ATF7IP: variants seen among roughly 807,000 people sequenced by gnomAD.
ATF7IP encodes the protein activating transcription factor 7-interacting protein 1.
ATF7IP carries 23 observed loss-of-function variants against 106.4 expected under a neutral mutation model. The observed-to-expected ratio is 0.22, with a 90% CI of 0.16 to 0.31. The LOEUF (loss-of-function observed/expected upper bound fraction) is 0.31, where lower values mean the gene tolerates loss of function less well. ATF7IP is among the 10% of genes least tolerant of loss of function. The probability of loss-of-function intolerance (pLI) is 1.00; values close to 1 mark genes in which losing one functional copy is unlikely to be tolerated. For synonymous variants in ATF7IP, 542 were observed against 539.0 expected (o/e 1.01, Z -0.08); for missense variants, 1,334 against 1,524.3 (o/e 0.88, Z 2.08).
chr12:14,396,863 A>G (rs566330167), intron 1 of ATF7IP, among the ~76,000 whole-genome samples: 1 of 152,294 alleles, frequency 6.6e-6, no homozygotes, highest in South Asian at 2.1e-4. Flanking sequence ...AACAAAGATA[A>G]AAGTCATGAG....
intron 1 of ATF7IP, among the ~76,000 whole-genome samples, chr12:14,410,237 T>C (rs1228941532): frequency 6.6e-6 from 1 of 152,150 alleles, no homozygotes; most frequent in Non-Finnish European, 1.5e-5. Flanking sequence ...CCGTGGGTAA[T>C]ATTAAGTGGA....
At chr12:14,486,140 G>A (rs1276806928) in intron 13 of ATF7IP, among the ~76,000 whole-genome samples, 2 of 152,048 alleles carry the variant, frequency 1.3e-5, no homozygotes, top group Non-Finnish European at 2.9e-5. Context: ...TTGGCACTGG[G>A]GAAATGACCA....
In ATF7IP at chr12:14,420,851, TTTTC is replaced by T. The variant is rs375754193; in HGVS notation, c.-7-3048_-7-3045del. 5.1e-3 allele frequency among the ~76,000 whole-genome samples: 778 copies of T among 152,314 alleles called. 3 individuals carry two copies. Among genetic ancestry groups the T allele is most frequent in the East Asian group, 0.015 (77 of 5,184 alleles). On this transcript the variant is annotated intron_variant, in intron 1 of 14. Coordinates refer to ENST00000261168, the MANE Select transcript of ATF7IP (RefSeq NM_018179.5). ...TAAGTTTCCAGGCATCAGGGGCTGC[TTTTC>T]TTTCTTTCTCAGGCCAAAGCAAATG...
intron 6 of ATF7IP, among the ~76,000 whole-genome samples, chr12:14,452,621 G>T (rs982285635): frequency 1.2e-4 from 19 of 152,162 alleles, no homozygotes; most frequent in Middle Eastern, 3.4e-3. Flanking sequence ...GTCTATATCT[G>T]CCTCACTATG....
At chr12:14,455,176 C>CT (rs1308379066) in intron 6 of ATF7IP, among the ~76,000 whole-genome samples, 5 of 140,544 alleles carry the variant, frequency 3.6e-5, no homozygotes, top group African/African-American at 1.1e-4. Context: ...CAGTGAGACT[C>CT]TATCTCAAAA....
At chr12:14,382,950 T>C (rs1212864886) in intron 1 of ATF7IP, among the ~76,000 whole-genome samples, 2 of 152,160 alleles carry the variant, frequency 1.3e-5, no homozygotes, top group Non-Finnish European at 2.9e-5. Flanking sequence ...ATGTAGAGGA[T>C]ATATCAAGTA....
At chr12:14,404,238 T>C (rs1415508907) in intron 1 of ATF7IP, among the ~76,000 whole-genome samples, 6 of 151,228 alleles carry the variant, frequency 4.0e-5, no homozygotes, top group Non-Finnish European at 8.8e-5. Context: ...TGTAGAAAAA[T>C]ATCCATATAT....
Position 14,425,034 on chromosome 12 carries a change from A to G in ATF7IP, c.1119A>G (p.Glu373=). The G allele has an allele frequency of 6.2e-7, 1 of 1,610,618 alleles. No homozygotes were observed. Among genetic ancestry groups the G allele is most frequent in the Non-Finnish European group, 8.5e-7 (1 of 1,179,120 alleles). Reference sequence around the variant, plus strand: ...CTGAAAATGAAAAGAAGGTAGAGGAAGATATTATCACAGAGCTTGCTCTTG... The same window carrying G: ...CTGAAAATGAAAAGAAGGTAGAGGAGGATATTATCACAGAGCTTGCTCTTG... ...RPPENEKKVE[E]DIITELALGE... Residue 373 remains glutamate, a synonymous_variant, in exon 2 of 15, where the codon GAA becomes GAG. Coordinates refer to ENST00000261168, the MANE Select transcript of ATF7IP (RefSeq NM_018179.5).
At chr12:14,368,883 T>G (rs1399712321) in intron 1 of ATF7IP, among the ~76,000 whole-genome samples, 1 of 152,112 alleles carries the variant, frequency 6.6e-6, no homozygotes, top group Non-Finnish European at 1.5e-5. Context: ...ATTTTAAAAT[T>G]ACCTTTTAAG....
At chr12:14,436,556 G>T (rs540880859) in intron 4 of ATF7IP, among the ~76,000 whole-genome samples, 1 of 152,158 alleles carries the variant, frequency 6.6e-6, no homozygotes, top group Admixed American at 6.5e-5. Context: ...GCTGGATGTT[G>T]TGGTGGGTGC....
intron 1 of ATF7IP, among the ~76,000 whole-genome samples, chr12:14,399,787 G>A (rs1366310732): frequency 2.0e-5 from 3 of 152,028 alleles, no homozygotes; most frequent in African/African-American, 7.3e-5. Context: ...ATTAGCTAGT[G>A]TTTTTTGTGG....
At chr12:14,472,723 A>T (rs529434854) in intron 10 of ATF7IP, among the ~76,000 whole-genome samples, 1 of 152,156 alleles carries the variant, frequency 6.6e-6, no homozygotes, top group East Asian at 1.9e-4. Flanking sequence ...CACTCCTGGG[A>T]TTCAGTTACT....
intron 1 of ATF7IP, among the ~76,000 whole-genome samples, chr12:14,399,464 T>C (rs1419173417): frequency 1.3e-5 from 2 of 152,142 alleles, no homozygotes; most frequent in South Asian, 2.1e-4. Flanking sequence ...TGAAATCTTA[T>C]TGCAGTATGC....
chr12:14,461,234 C>A, intron 9 of ATF7IP, 101 bp downstream of exon 9: 1 of 1,037,570 alleles, frequency 9.6e-7, no homozygotes, highest in East Asian at 2.6e-5. Context: ...ATTGGAAGTA[C>A]AAAATAAATA....
chr12:14,500,657 G>A lies in ATF7IP; in HGVS notation c.*2584G>A, dbSNP rs188331867. On this transcript the variant is annotated 3_prime_UTR_variant, in exon 15 of 15. Coordinates refer to ENST00000261168, the MANE Select transcript of ATF7IP (RefSeq NM_018179.5). ...CTTTATTGGGTGTTTTTATGGTCAC[G>A]TGGTAACAATTTTCTTACCTAACCT... 7.2e-5 allele frequency: 11 copies of A among 152,142 alleles called. 1 individual carries two copies. Among genetic ancestry groups the A allele is most frequent in the Admixed American group, 5.2e-4 (8 of 15,272 alleles). The allele number at this position is 152,142 out of a possible 1,614,324, so 9.4% of individuals were successfully genotyped here. A position where few individuals can be genotyped will look rare whatever the true frequency, so the allele number is the denominator to read the frequency against.
chr12:14,449,109 GA>G (rs1285840141), intron 6 of ATF7IP, among the ~76,000 whole-genome samples: 1 of 151,740 alleles, frequency 6.6e-6, no homozygotes, highest in Non-Finnish European at 1.5e-5. Context: ...CTTTTCTCTC[GA>G]TTGTTTCCTT....
intron 1 of ATF7IP, among the ~76,000 whole-genome samples, chr12:14,417,360 C>T (rs1321169383): frequency 6.6e-6 from 1 of 152,104 alleles, no homozygotes; most frequent in African/African-American, 2.4e-5. Flanking sequence ...CAGTAGACAG[C>T]ACAACACTTC....
In ATF7IP at chr12:14,502,669, AT is replaced by A. The variant is rs1565567718; in HGVS notation, c.*4601del. On this transcript the variant is annotated 3_prime_UTR_variant, in exon 15 of 15. Transcript: ENST00000261168. ...TCCTTTGTAAGAAACTTGCATCCTAATTTTTCTTTATTGCAATTGAAAGTGT... is the reference window on the plus strand; with the variant it reads ...TCCTTTGTAAGAAACTTGCATCCTAATTTTCTTTATTGCAATTGAAAGTGT... The A allele has an allele frequency of 6.6e-6, 1 of 152,108 alleles. No homozygotes were observed. The highest frequency in any genetic ancestry group is 1.5e-5 in the Non-Finnish European group (1 of 68,020). 9.4% of individuals were successfully genotyped at this position (152,108 alleles called of 1,614,324 possible). A position where few individuals can be genotyped will look rare whatever the true frequency, so the allele number is the denominator to read the frequency against.
intron 1 of ATF7IP, among the ~76,000 whole-genome samples, chr12:14,400,547 T>C (rs1419911388): frequency 6.6e-6 from 1 of 152,210 alleles, no homozygotes; most frequent in Non-Finnish European, 1.5e-5. Context: ...TTTTTTGGTG[T>C]GCTTGATAAT....
Sources: gnomAD v4.1 joint callset for allele counts (sites outside exome capture counted in the v4.1 genomes callset) on GRCh38, gnomAD v4.1.1 for gene constraint, MANE v1.5 for transcripts, NCBI Gene and HGNC (gene_info 2026-07-23, HGNC 2026-07-21) for gene names.